KIAA0586: variants seen among roughly 807,000 people sequenced by gnomAD.
KIAA0586 encodes protein TALPID3.
In KIAA0586, 144 loss-of-function variants were observed where a neutral mutation model predicts 169.8. The observed-to-expected ratio is 0.85, with a 90% CI of 0.74 to 0.97. The LOEUF is 0.97. KIAA0586 is among the 50% of genes least tolerant of loss of function. The pLI is 0.00. For synonymous variants in KIAA0586, 625 were observed against 612.4 expected (o/e 1.02, Z -0.30); for missense variants, 1,854 against 1,823.0 (o/e 1.02, Z -0.31).
chr14:58,458,161 T>A (rs1236338568), intron 11 of KIAA0586, among the ~76,000 whole-genome samples, 182 bp downstream of exon 11: 1 of 152,222 alleles, frequency 6.6e-6, no homozygotes, highest in African/African-American at 2.4e-5. Context: ...TGGTACTACT[T>A]TTTTCTGGTG....
intron 12 of KIAA0586, 116 bp from the exon 13 acceptor site, chr14:58,459,727 T>G: frequency 1.8e-6 from 1 of 551,358 alleles, no homozygotes; most frequent in South Asian, 3.2e-5. Context: ...TTTAATGCAT[T>G]TAAAACTGCT....
At chr14:58,524,565 G>A (rs1187606110) in intron 29 of KIAA0586, among the ~76,000 whole-genome samples, 1 of 152,146 alleles carries the variant, frequency 6.6e-6, no homozygotes, top group East Asian at 1.9e-4. Context: ...TGTTTTTGAT[G>A]ATTCTGTTCT....
chr14:58,557,901 C>CTTTTTTTTTTTTTTTTTTTTTTTTTTT, the KIAA0586 span, among the ~76,000 whole-genome samples: 38 of 42,508 alleles, frequency 8.9e-4, 13 homozygotes, highest in Non-Finnish European at 1.2e-3. Context: ...CCTGAGAAAT[C>CTTTTTTTTTTTTTTTTTTTTTTTTTTT]TTTTTTTTTT....
chr14:58,459,174 T>C (rs1000799975), intron 12 of KIAA0586, among the ~76,000 whole-genome samples: 1 of 152,220 alleles, frequency 6.6e-6, no homozygotes, highest in African/African-American at 2.4e-5. Flanking sequence ...GCTTATATGC[T>C]ACTTACAAGG....
intron 27 of KIAA0586, among the ~76,000 whole-genome samples, chr14:58,507,017 G>A (rs933972254): frequency 6.6e-6 from 1 of 151,438 alleles, no homozygotes; most frequent in African/African-American, 2.4e-5. Context: ...GTGTGGTAGC[G>A]CACACCTGTA....
rs1300025323 is a variant in KIAA0586, at chr14:58,458,682, T to C, written c.1656+137T>C. On this transcript the variant is annotated intron_variant, in intron 12 of 30. Transcript: ENST00000652326. ...TATTTTTAATTTAATTGTCACTCTT[T>C]ATATTTACTTAGTAATAAGTTTAGC... 1.3e-5 allele frequency: 7 copies of C among 538,124 alleles called. No individual in the cohort carries two copies. In the Admixed American group the frequency reaches 2.0e-4, roughly 15 times the overall value. 33.3% of individuals were successfully genotyped at this position (538,124 alleles called of 1,614,324 possible).
chr14:58,555,098 TC>T (rs1311572973), downstream of KIAA0586, among the ~76,000 whole-genome samples: 1,110 of 121,292 alleles, frequency 9.2e-3, 13 homozygotes, highest in African/African-American at 0.033. Context: ...TTTCTTTCTT[TC>T]TTTTTTTTTT....
rs915090232 is a variant in KIAA0586 at position 58,443,025 on chromosome 14, G to T, written c.585+145G>T. 5 of 633,880 alleles carry T rather than the reference G, an allele frequency of 7.9e-6. No homozygotes were observed. In the Middle Eastern group the frequency reaches 1.1e-3, roughly 138 times the overall value. 39.3% of individuals were successfully genotyped at this position (633,880 alleles called of 1,614,324 possible). A position where few individuals can be genotyped will look rare whatever the true frequency, so the allele number is the denominator to read the frequency against. On this transcript the variant is annotated intron_variant, in intron 5 of 30. Coordinates refer to ENST00000652326, the MANE Select transcript of KIAA0586 (RefSeq NM_001329943.3). ...ATTTGAAAGAATTTTCCCATTTGTG[G>T]TTGTGTGTTACTTCTCAGGAAATGT... is the stretch of plus-strand genomic sequence containing the variant.
At position 58,441,115 on chromosome 14, in the gene KIAA0586, TC is replaced by T. The variant is rs1306763504; in HGVS notation, c.411-1590del. ...CACTGTAAATATATACAATTTTTTT[TC>T]AATTATACCTCAGTAAAGTGGGATA... On this transcript the variant is annotated intron_variant, in intron 4 of 30. Transcript: ENST00000652326. The T allele has an allele frequency of 2.0e-5, 4 of 202,138 alleles. No homozygotes were observed. In the East Asian group the frequency reaches 4.5e-4, roughly 23 times the overall value. The allele number at this position is 202,138 out of a possible 1,614,324, so 12.5% of individuals were successfully genotyped here. A position where few individuals can be genotyped will look rare whatever the true frequency, so the allele number is the denominator to read the frequency against.
chr14:58,457,695 C>A, intron 10 of KIAA0586, 64 bp from the exon 11 acceptor site: 1 of 1,003,712 alleles, frequency 1.0e-6, no homozygotes, highest in Non-Finnish European at 1.5e-6. Context: ...ATAGTGATAG[C>A]TGTTATTTTG....
At chr14:58,443,264 A>T (rs575929635) in intron 5 of KIAA0586, among the ~76,000 whole-genome samples, 26 of 152,354 alleles carry the variant, frequency 1.7e-4, no homozygotes, top group African/African-American at 6.0e-4. Context: ...GAGTAGGCCT[A>T]TGAGTCTAGA....
rs2042108044 is a variant in KIAA0586, at chr14:58,482,529, T to C, written c.2961T>C (p.Ser987=). 3 of 1,542,124 alleles carry C rather than the reference T, an allele frequency of 1.9e-6. No homozygotes were observed. The highest frequency in any genetic ancestry group is 2.8e-5 in the African/African-American group (2 of 71,640). Residue 987 remains serine, a synonymous_variant, in exon 21 of 31, where the codon AGT becomes AGC. Coordinates refer to ENST00000652326, the MANE Select transcript of KIAA0586 (RefSeq NM_001329943.3). The part of the protein sequence containing the change: ...LTSDIVEGTS[S]GALQLFVDAG... ...TACTTTTAGTGGAAGGAACAAGCAG[T>C]GGCGCCCTCCAGCTTTTTGTTGATG... is the stretch of plus-strand genomic sequence containing the variant.
chr14:58,529,206 G>GT (rs2045795776), intron 29 of KIAA0586, among the ~76,000 whole-genome samples: 1 of 152,130 alleles, frequency 6.6e-6, no homozygotes, highest in Non-Finnish European at 1.5e-5. Flanking sequence ...AATTGAGGCA[G>GT]TAATTAATAG....
intron 21 of KIAA0586, among the ~76,000 whole-genome samples, chr14:58,484,172 A>C (rs1425257196): frequency 2.0e-5 from 3 of 152,152 alleles, no homozygotes; most frequent in Non-Finnish European, 4.4e-5. Flanking sequence ...TTTTATGTCT[A>C]TAATAAAGAT....
rs534963799 is a variant in KIAA0586 at position 58,436,384 on chromosome 14, G to A, written c.410+3927G>A. On this transcript the variant is annotated intron_variant, in intron 4 of 30. Transcript: ENST00000652326. ...AAAAAGTTGGGAATACTCATAACCA[G>A]AAGTCTATAGAATCTGTCTGAAGAA... Among the ~76,000 whole-genome samples the A allele has an allele frequency of 1.2e-4, 18 of 151,750 alleles. No homozygotes were observed. In the East Asian group the frequency reaches 2.9e-3, roughly 25 times the overall value.
intron 27 of KIAA0586, among the ~76,000 whole-genome samples, chr14:58,507,769 CATTT>C (rs34225443): frequency 0.97 from 145,446 of 149,640 alleles, 70,760 homozygotes; most frequent in Non-Finnish European, 0.99. Context: ...ACTGAGGTGC[CATTT>C]ATTTATTTAT....
At chr14:58,528,522 A>G (rs1204365574) in intron 29 of KIAA0586, among the ~76,000 whole-genome samples, 2 of 152,242 alleles carry the variant, frequency 1.3e-5, no homozygotes, top group Admixed American at 6.5e-5. Flanking sequence ...CCACAGTGCA[A>G]TCAAACTAGA....
chr14:58,487,016 T>C lies in KIAA0586; in HGVS notation c.3154T>C (p.Cys1052Arg). 6.2e-7 allele frequency: 1 copy of C among 1,604,948 alleles called. No individual in the cohort carries two copies. Among genetic ancestry groups the C allele is most frequent in the Non-Finnish European group, 8.5e-7 (1 of 1,176,382 alleles). Residue 1052 changes from cysteine to arginine, a missense_variant, in exon 22 of 31, where the codon TGC (cysteine) becomes CGC (arginine). Coordinates refer to ENST00000652326, the MANE Select transcript of KIAA0586 (RefSeq NM_001329943.3). ...GTTTTATTTATTTTAGGCAAGAGTG[T>C]GCACCCCACTGCCTACCCCACAGCC... The part of the protein sequence containing the change: ...TNETYLPARV[C>R]TPLPTPQPTP...
At chr14:58,472,946 T>A (rs781257735) in intron 18 of KIAA0586, among the ~76,000 whole-genome samples, 6 of 142,200 alleles carry the variant, frequency 4.2e-5, no homozygotes, top group Non-Finnish European at 9.1e-5. Context: ...CTCACAGATA[T>A]GTCTTTTCTC....
Sources: allele counts gnomAD v4.1 joint callset (sites outside exome capture counted in the v4.1 genomes callset), GRCh38; gene constraint gnomAD v4.1.1; transcripts MANE v1.5; gene names NCBI Gene and HGNC (gene_info 2026-07-23, HGNC 2026-07-21).